The following RSU1 variants were observed in gnomAD, a reference collection of about 807,000 sequenced individuals.
RSU1 encodes rsu-1.
In RSU1, 26 loss-of-function variants were observed where a neutral mutation model predicts 31.1. That is an observed-to-expected ratio of 0.84 (90% CI 0.61 to 1.16). The LOEUF (loss-of-function observed/expected upper bound fraction) is 1.16, where lower values mean the gene tolerates loss of function less well. Among genes scored for constraint, RSU1 ranks in the 50% most tolerant of loss-of-function variants. The probability of loss-of-function intolerance (pLI) is 0.00; values close to 1 mark genes in which losing one functional copy is unlikely to be tolerated. For missense variants in RSU1, 320 were observed against 339.1 expected, an observed-to-expected ratio of 0.94 and a Z score of 0.44; for synonymous variants, 164 against 136.3, an observed-to-expected ratio of 1.20 and a Z score of -1.41.
intron 2 of RSU1, among the ~76,000 whole-genome samples, chr10:16,815,950 C>T (rs1838519942): frequency 1.3e-5 from 2 of 152,164 alleles, no homozygotes; most frequent in African/African-American, 4.8e-5. Flanking sequence ...GGCTGGAATG[C>T]CAGCTGCATG....
intron 7 of RSU1, among the ~76,000 whole-genome samples, chr10:16,701,524 A>G (rs1835792440): frequency 6.6e-6 from 1 of 152,212 alleles, no homozygotes; most frequent in Non-Finnish European, 1.5e-5. Flanking sequence ...GGCATTCTGT[A>G]CATTTAATGC....
intron 2 of RSU1, among the ~76,000 whole-genome samples, chr10:16,814,451 G>T: frequency 8.3e-6 from 1 of 121,182 alleles, no homozygotes; most frequent in East Asian, 2.4e-4. Context: ...CTGTTTTCAG[G>T]AAAAAAAAAA....
intron 7 of RSU1, among the ~76,000 whole-genome samples, chr10:16,713,325 C>T (rs769004994): frequency 3.9e-5 from 6 of 152,192 alleles, no homozygotes; most frequent in Admixed American, 2.0e-4. Flanking sequence ...CTACGAAGTT[C>T]CTATAATGCA....
intron 2 of RSU1, among the ~76,000 whole-genome samples, chr10:16,789,474 A>G (rs556635888): frequency 1.3e-5 from 2 of 152,358 alleles, no homozygotes; most frequent in Non-Finnish European, 1.5e-5. Flanking sequence ...CCGGTCAGGC[A>G]AAGACCAAGT....
chr10:16,764,989 G>GCC lies in RSU1; in HGVS notation c.161-480_161-479insGG, dbSNP rs200992158. On this transcript the variant is annotated intron_variant, in intron 3 of 8. Transcript: ENST00000345264. ...CAGTTTGTTTCAGATGGCTAATGGG[G>GCC]GGGGAGAAACAGAGCAAAAATGCAC... Among the ~76,000 whole-genome samples, 184 of 148,240 alleles carry GCC rather than the reference G, an allele frequency of 1.2e-3. 1 individual carries two copies. The highest frequency in any genetic ancestry group is 4.4e-3 in the African/African-American group (174 of 39,218).
rs1011322674 is a variant in RSU1, at chr10:16,592,897, A to C, written c.*497T>G. On this transcript the variant is annotated 3_prime_UTR_variant, in exon 9 of 9. Transcript: ENST00000345264. Reference sequence around the variant, plus strand: ...TCAGACTGTTCTTTTATTCTGAGTCAATAAGTAACATGTGATACAAACTCA... The same window carrying C: ...TCAGACTGTTCTTTTATTCTGAGTCCATAAGTAACATGTGATACAAACTCA... 1 of 152,972 alleles carries C rather than the reference A, an allele frequency of 6.5e-6. No homozygotes were observed. The highest frequency in any genetic ancestry group is 1.5e-5 in the Non-Finnish European group (1 of 68,600). 9.5% of individuals were successfully genotyped at this position (152,972 alleles called of 1,614,324 possible). A position where few individuals can be genotyped will look rare whatever the true frequency, so the allele number is the denominator to read the frequency against.
chr10:16,776,790 C>T (rs1267482386), intron 3 of RSU1, among the ~76,000 whole-genome samples: 3 of 147,632 alleles, frequency 2.0e-5, no homozygotes, highest in African/African-American at 5.1e-5. Flanking sequence ...ATCCTCAACA[C>T]ACATGGGTCA....
chr10:16,599,824 G>A (rs1376857330), intron 8 of RSU1, among the ~76,000 whole-genome samples: 1 of 152,184 alleles, frequency 6.6e-6, no homozygotes, highest in African/African-American at 2.4e-5. Flanking sequence ...GCCAGCCTGT[G>A]CCTTTGGTGT....
In RSU1 at chr10:16,817,041, T is replaced by C. The variant is rs1408700842; in HGVS notation, c.41A>G (p.Glu14Gly). 6.2e-7 allele frequency: 1 copy of C among 1,614,068 alleles called. No homozygotes were observed. Among genetic ancestry groups the C allele is most frequent in the East Asian group, 2.2e-5 (1 of 44,890 alleles). ...CATGTCCACCTCGGGCTGGTTCTTC[T>C]CCCGGCTCTCCTCCACCAACTTCTT... ...SLKKLVEESR[E>G]KNQPEVDMSD... The change falls in exon 2 of 9, where the codon GAG (glutamate) becomes GGG (glycine). Residue 14 changes from glutamate to glycine, a missense_variant. Physicochemically the swap from Glu to Gly is moderately conservative, Grantham distance 98. Transcript: ENST00000345264.
chr10:16,736,848 T>C (rs1288050611), intron 7 of RSU1, among the ~76,000 whole-genome samples: 3 of 151,710 alleles, frequency 2.0e-5, no homozygotes, highest in African/African-American at 7.3e-5. Flanking sequence ...AGAAATGAAA[T>C]TATAAAAAGA....
chr10:16,771,216 C>A (rs1303911095), intron 3 of RSU1, among the ~76,000 whole-genome samples: 1 of 151,950 alleles, frequency 6.6e-6, no homozygotes, highest in African/African-American at 2.4e-5. Flanking sequence ...ATTATATATA[C>A]GGGAGGGGAG....
chr10:16,626,967 A>T (rs1834169433), intron 8 of RSU1, among the ~76,000 whole-genome samples: 1 of 152,288 alleles, frequency 6.6e-6, no homozygotes, highest in African/African-American at 2.4e-5. Context: ...CTAGAACCTA[A>T]ATCTGTTTTA....
chr10:16,720,714 C>G (rs553642190), intron 7 of RSU1, among the ~76,000 whole-genome samples: 1 of 152,228 alleles, frequency 6.6e-6, no homozygotes. Flanking sequence ...CACAGACAAA[C>G]CCCCATCCAG....
chr10:16,793,509 G>T (rs1376043686), intron 2 of RSU1, among the ~76,000 whole-genome samples: 2 of 152,116 alleles, frequency 1.3e-5, no homozygotes, highest in Admixed American at 1.3e-4. Context: ...CAAGACACTG[G>T]TATTTAAATT....
intron 8 of RSU1, among the ~76,000 whole-genome samples, chr10:16,644,981 T>C (rs1161397656): frequency 1.3e-5 from 2 of 152,216 alleles, no homozygotes; most frequent in Admixed American, 6.5e-5. Context: ...AATTGTATGA[T>C]AATATTTAAT....
At chr10:16,651,187 T>C (rs1834678598) in intron 8 of RSU1, among the ~76,000 whole-genome samples, 2 of 152,358 alleles carry the variant, frequency 1.3e-5, no homozygotes, top group African/African-American at 4.8e-5. Context: ...AAAGCTTATT[T>C]TTCAAGCTCA....
chr10:16,763,190 C>T (rs764855924), intron 4 of RSU1, among the ~76,000 whole-genome samples: 1 of 152,128 alleles, frequency 6.6e-6, no homozygotes, highest in Non-Finnish European at 1.5e-5. Context: ...AATTCTGATG[C>T]CGCAGTTCCG....
chr10:16,729,560 G>A (rs1297205965), intron 7 of RSU1, among the ~76,000 whole-genome samples: 4 of 152,114 alleles, frequency 2.6e-5, no homozygotes, highest in South Asian at 2.1e-4. Flanking sequence ...TGATCTGCCC[G>A]CCCCCGTCTT....
intron 8 of RSU1, among the ~76,000 whole-genome samples, chr10:16,639,405 G>C (rs1225892781): frequency 6.6e-6 from 1 of 152,222 alleles, no homozygotes; most frequent in Non-Finnish European, 1.5e-5. Flanking sequence ...GGTGAAGTAA[G>C]AGAACCCTTG....
Sources: allele counts gnomAD v4.1 joint callset (sites outside exome capture counted in the v4.1 genomes callset), GRCh38; gene constraint gnomAD v4.1.1; transcripts MANE v1.5; gene names NCBI Gene and HGNC (gene_info 2026-07-23, HGNC 2026-07-21).